Variants in BAZ1A observed in about 807,000 individuals in gnomAD.
BAZ1A encodes bromodomain adjacent to zinc finger domain protein 1A.
In BAZ1A, 50 loss-of-function variants were observed where a neutral mutation model predicts 185.2. The ratio of observed to expected loss-of-function variants is 0.27; its 90% confidence interval spans 0.22 to 0.34. The LOEUF is 0.34. Ranked by LOEUF, BAZ1A falls within the 10% of genes least tolerant of loss-of-function variation. The pLI, the probability that BAZ1A is intolerant of heterozygous loss-of-function variation, is 1.00. For synonymous variants in BAZ1A, 571 were observed against 615.6 expected (o/e 0.93, Z 1.07); for missense variants, 1,356 against 1,839.9 (o/e 0.74, Z 4.81).
At chr14:34,812,249 AG>A (rs2041941049) in intron 4 of BAZ1A, among the ~76,000 whole-genome samples, 2 of 152,120 alleles carry the variant, frequency 1.3e-5, no homozygotes, top group South Asian at 4.1e-4. Context: ...AACAAAAAAA[AG>A]GGAGCAACTC....
chr14:34,855,776 T>C lies in BAZ1A; in HGVS notation c.392+6268A>G, dbSNP rs111286611. Reference sequence around the variant, plus strand: ...GTAGCTGGGTGTGGTGGCACACATCTGTGGTCCCAGCTACTCAGGAGGAGG... The same window carrying C: ...GTAGCTGGGTGTGGTGGCACACATCCGTGGTCCCAGCTACTCAGGAGGAGG... On this transcript the variant is annotated intron_variant, in intron 3 of 26. Coordinates refer to ENST00000360310, the MANE Select transcript of BAZ1A (RefSeq NM_013448.3). Among the ~76,000 whole-genome samples, 194 of 152,182 alleles carry C rather than the reference T, an allele frequency of 1.3e-3. 1 individual carries two copies. Among genetic ancestry groups the C allele is most frequent in the African/African-American group, 4.5e-3 (185 of 41,516 alleles).
chr14:34,827,532 G>C (rs1201008847), intron 3 of BAZ1A, among the ~76,000 whole-genome samples: 2 of 151,736 alleles, frequency 1.3e-5, no homozygotes, highest in East Asian at 2.0e-4. Context: ...TCAGAAGATC[G>C]AGACCATCCT....
intron 6 of BAZ1A, among the ~76,000 whole-genome samples, chr14:34,804,593 C>T (rs1244236243): frequency 6.6e-6 from 1 of 152,160 alleles, no homozygotes; most frequent in East Asian, 1.9e-4. Context: ...TCAAAATTTC[C>T]CATTAAAGAA....
At chr14:34,842,491 T>G (rs977571451) in intron 3 of BAZ1A, among the ~76,000 whole-genome samples, 5 of 152,210 alleles carry the variant, frequency 3.3e-5, no homozygotes, top group African/African-American at 4.8e-5. Context: ...TTTTTCTCTT[T>G]GCTTCAATGA....
At chr14:34,847,802 T>C (rs924427980) in intron 3 of BAZ1A, among the ~76,000 whole-genome samples, 1 of 152,192 alleles carries the variant, frequency 6.6e-6, no homozygotes, top group African/African-American at 2.4e-5. Flanking sequence ...AATTTTCTCA[T>C]TTTTAATTCT....
chr14:34,766,531 G>C (rs575518714), intron 21 of BAZ1A, among the ~76,000 whole-genome samples: 326 of 152,230 alleles, frequency 2.1e-3, no homozygotes, highest in African/African-American at 7.7e-3. Flanking sequence ...ACCCCAGAAA[G>C]CTACCCCTTC....
At chr14:34,773,800 G>A (rs2275146) in intron 19 of BAZ1A, 74 bp from the exon 20 acceptor site, 805,131 of 1,332,270 alleles carry the variant, frequency 0.6, 246,152 homozygotes, top group South Asian at 0.67. Flanking sequence ...AGTTCAATAT[G>A]CATATAAAAT....
chr14:34,756,945 G>A lies in BAZ1A; in HGVS notation c.4386+1759C>T, dbSNP rs148589432. On this transcript the variant is annotated intron_variant, in intron 25 of 26. Transcript: ENST00000360310. ...TCCTCCAAATGATTCTGAGGCATGCGGTAGTTTGAGAACCACTGCTTTACA... is the reference window on the plus strand; with the variant it reads ...TCCTCCAAATGATTCTGAGGCATGCAGTAGTTTGAGAACCACTGCTTTACA... Among the ~76,000 whole-genome samples, 542 of 152,170 alleles carry A rather than the reference G, an allele frequency of 3.6e-3. 2 individuals carry two copies. The highest frequency in any genetic ancestry group is 0.012 in the African/African-American group (508 of 41,520).
chr14:34,860,898 C>CA (rs904252182), intron 3 of BAZ1A, among the ~76,000 whole-genome samples: 75 of 143,578 alleles, frequency 5.2e-4, no homozygotes, highest in African/African-American at 1.1e-3. Flanking sequence ...AACTCCGTCT[C>CA]AAAAAAAAAA....
At chr14:34,836,977 T>C (rs2042340703) in intron 3 of BAZ1A, among the ~76,000 whole-genome samples, 1 of 152,004 alleles carries the variant, frequency 6.6e-6, no homozygotes, top group Non-Finnish European at 1.5e-5. Flanking sequence ...CTTGCTATGC[T>C]GCCCAGGCTG....
intron 4 of BAZ1A, among the ~76,000 whole-genome samples, chr14:34,819,077 C>T (rs2042046252): frequency 7.6e-6 from 1 of 131,634 alleles, no homozygotes; most frequent in South Asian, 2.5e-4. Flanking sequence ...GGAGGCGGAG[C>T]TTGCAGTGAG....
At chr14:34,826,366 T>A (rs1183055189) in intron 3 of BAZ1A, among the ~76,000 whole-genome samples, 1 of 152,200 alleles carries the variant, frequency 6.6e-6, no homozygotes, top group Non-Finnish European at 1.5e-5. Flanking sequence ...AAAACTCAAT[T>A]TATCAAGATT....
At chr14:34,771,779 A>C in intron 20 of BAZ1A, 120 bp from the exon 21 acceptor site, 79 of 865,720 alleles carry the variant, frequency 9.1e-5, no homozygotes, top group East Asian at 1.1e-4. Flanking sequence ...CCTCAATCTC[A>C]AGGAGTTGCA....
chr14:34,853,783 T>C (rs2042633287), intron 3 of BAZ1A, among the ~76,000 whole-genome samples: 1 of 151,954 alleles, frequency 6.6e-6, no homozygotes, highest in Admixed American at 6.6e-5. Flanking sequence ...CAAGACCCCA[T>C]CTCAAAGATA....
chr14:34,874,259 C>A lies in BAZ1A; in HGVS notation c.113+233G>T, dbSNP rs1376012601. The A allele has an allele frequency of 2.6e-6, 1 of 381,260 alleles. No homozygotes were observed. The highest frequency in any genetic ancestry group is 2.4e-5 in the South Asian group (1 of 41,488). 23.6% of individuals were successfully genotyped at this position (381,260 alleles called of 1,614,324 possible). ...AGCGGTCCCCGAGGCCGGCCAGGGA[C>A]CCAGCCTCCTCCGCCACTACCAACC... On this transcript the variant is annotated intron_variant, in intron 2 of 26. Coordinates refer to ENST00000360310, the MANE Select transcript of BAZ1A (RefSeq NM_013448.3). This position sits in a 1 kb window ranked among gnomAD's most constrained non-coding sequence, Gnocchi z 4.7.
At chr14:34,872,734 A>C (rs2042968382) in intron 2 of BAZ1A, among the ~76,000 whole-genome samples, 1 of 152,130 alleles carries the variant, frequency 6.6e-6, no homozygotes, top group Non-Finnish European at 1.5e-5. Flanking sequence ...AGAGTGTTTA[A>C]TTCACAAAGG....
intron 3 of BAZ1A, among the ~76,000 whole-genome samples, chr14:34,846,483 T>TA (rs2042514196): frequency 6.6e-6 from 1 of 152,244 alleles, no homozygotes; most frequent in Non-Finnish European, 1.5e-5. Flanking sequence ...ATGGTAAGTC[T>TA]AAACTTCATT....
intron 12 of BAZ1A, among the ~76,000 whole-genome samples, chr14:34,787,217 G>C (rs1016356240): frequency 6.6e-6 from 1 of 151,032 alleles, no homozygotes; most frequent in South Asian, 2.1e-4. Context: ...GCTGGGTGTG[G>C]TGGCGCATGC....
chr14:34,842,834 C>T (rs1353429711), intron 3 of BAZ1A, among the ~76,000 whole-genome samples: 8 of 152,012 alleles, frequency 5.3e-5, no homozygotes, highest in African/African-American at 1.9e-4. Context: ...TGTATGGGCT[C>T]TTCAAACTGT....
Sources: allele counts gnomAD v4.1 joint callset (sites outside exome capture counted in the v4.1 genomes callset), GRCh38; gene constraint gnomAD v4.1.1; non-coding constraint Gnocchi (gnomAD v3.1); transcripts MANE v1.5; gene names NCBI Gene and HGNC (gene_info 2026-07-23, HGNC 2026-07-21).